SUSD6: variants seen among roughly 807,000 people sequenced by gnomAD.
SUSD6 encodes sushi domain-containing protein 6.
A neutral mutation model predicts 28.4 loss-of-function variants in SUSD6; 16 were observed. That is an observed-to-expected ratio of 0.56 (90% CI 0.38 to 0.86). The LOEUF is 0.86. Ranked by LOEUF, SUSD6 falls within the 40% of genes least tolerant of loss-of-function variation. The pLI is 0.00. For missense variants in SUSD6, 341 were observed against 384.2 expected (o/e 0.89, Z 0.94); for synonymous variants, 147 against 159.6 (o/e 0.92, Z 0.59).
intron 2 of SUSD6, among the ~76,000 whole-genome samples, chr14:69,669,041 G>A (rs1328802581): frequency 2.1e-5 from 3 of 145,510 alleles, no homozygotes; most frequent in East Asian, 4.0e-4. Flanking sequence ...CCAGTCTCAA[G>A]TATTTTTTTT....
At chr14:69,616,109 T>C (rs1308670497) in intron 1 of SUSD6, among the ~76,000 whole-genome samples, 1 of 152,190 alleles carries the variant, frequency 6.6e-6, no homozygotes, top group Non-Finnish European at 1.5e-5. Context: ...AGATTCTCAG[T>C]GGGTTTGCAG....
intron 4 of SUSD6, 81 bp from the exon 5 acceptor site, chr14:69,708,596 C>T (rs964466899): frequency 1.2e-5 from 15 of 1,214,956 alleles, no homozygotes; most frequent in Admixed American, 1.0e-4. Flanking sequence ...AAAATGGTGG[C>T]GGCTGCTATT....
chr14:69,641,281 A>G (rs1885348582), intron 1 of SUSD6, among the ~76,000 whole-genome samples: 1 of 151,742 alleles, frequency 6.6e-6, no homozygotes, highest in Admixed American at 6.6e-5. Context: ...AGCTTCTTGT[A>G]TCTGTTTGTG....
At chr14:69,627,712 C>T (rs934146064) in intron 1 of SUSD6, among the ~76,000 whole-genome samples, 6 of 152,158 alleles carry the variant, frequency 3.9e-5, no homozygotes, top group Non-Finnish European at 7.3e-5. Flanking sequence ...GATCCGCCTG[C>T]CTCGGCCTCC....
intron 2 of SUSD6, among the ~76,000 whole-genome samples, chr14:69,698,583 C>G (rs1297697824): frequency 6.6e-6 from 1 of 152,166 alleles, no homozygotes; most frequent in Non-Finnish European, 1.5e-5. Flanking sequence ...TTTTAATTTG[C>G]CTCCTTCTGA....
chr14:69,673,207 A>C (rs1225017272), intron 2 of SUSD6, among the ~76,000 whole-genome samples: 1 of 152,142 alleles, frequency 6.6e-6, no homozygotes. Flanking sequence ...TGCACTAGTG[A>C]GTTTCAAATT....
At chr14:69,612,050 C>A (rs1287985474) in intron 1 of SUSD6, among the ~76,000 whole-genome samples, 1 of 150,004 alleles carries the variant, frequency 6.7e-6, no homozygotes, top group Non-Finnish European at 1.5e-5. Flanking sequence ...GCGCGGCCAG[C>A]CGGCCAGCAG....
chr14:69,655,075 G>C (rs1885562017), intron 1 of SUSD6, among the ~76,000 whole-genome samples: 1 of 151,968 alleles, frequency 6.6e-6, no homozygotes, highest in African/African-American at 2.4e-5. Flanking sequence ...TTATAGGCAT[G>C]AGCCACTGTG....
intron 1 of SUSD6, among the ~76,000 whole-genome samples, 178 bp from the exon 2 acceptor site, chr14:69,658,335 T>G (rs1885614476): frequency 6.6e-6 from 1 of 152,034 alleles, no homozygotes; most frequent in Non-Finnish European, 1.5e-5. Flanking sequence ...AGGCCTTGTT[T>G]CCCCAGGGAG....
rs1208030461 is a variant in SUSD6, at chr14:69,670,538, G to A, written c.121+11825G>A. 8.8e-6 allele frequency: 4 copies of A among 456,506 alleles called. No individual in the cohort carries two copies. The East Asian group carries it at 2.8e-4, about 32-fold the overall frequency. 28.3% of individuals were successfully genotyped at this position (456,506 alleles called of 1,614,324 possible). A position where few individuals can be genotyped will look rare whatever the true frequency, so the allele number is the denominator to read the frequency against. On this transcript the variant is annotated intron_variant, in intron 2 of 5. Transcript: ENST00000342745. ...TGAGTTAACGAGTATGGGGAGACAAGGTGGCATAGTCAGGTGAAGAAGGCA... is the reference window on the plus strand; with the variant it reads ...TGAGTTAACGAGTATGGGGAGACAAAGTGGCATAGTCAGGTGAAGAAGGCA...
intron 1 of SUSD6, among the ~76,000 whole-genome samples, chr14:69,649,428 C>T (rs1008654785): frequency 1.3e-5 from 2 of 152,216 alleles, no homozygotes; most frequent in African/African-American, 4.8e-5. Context: ...TCTCTAGGGT[C>T]TAGGAACCAA....
chr14:69,704,804 T>C, intron 4 of SUSD6, 62 bp downstream of exon 4: 1 of 1,567,852 alleles, frequency 6.4e-7, no homozygotes, highest in Non-Finnish European at 8.7e-7. Context: ...TGGGGGCCAG[T>C]CTTTGGTGGA....
intron 2 of SUSD6, among the ~76,000 whole-genome samples, chr14:69,697,098 A>G (rs1886235802): frequency 6.6e-6 from 1 of 152,170 alleles, no homozygotes. Context: ...TTTTCAGACC[A>G]TATAGGGTGA....
intron 2 of SUSD6, among the ~76,000 whole-genome samples, chr14:69,664,536 T>C (rs889058343): frequency 6.6e-6 from 1 of 152,150 alleles, no homozygotes; most frequent in South Asian, 2.1e-4. Flanking sequence ...GAGATTATGG[T>C]AGGAGGCTGG....
intron 1 of SUSD6, among the ~76,000 whole-genome samples, chr14:69,651,709 G>T (rs185204872): frequency 6.6e-6 from 1 of 152,282 alleles, no homozygotes; most frequent in African/African-American, 2.4e-5. Flanking sequence ...ATTTTGGGGG[G>T]TAGGAGGCAT....
At chr14:69,690,755 C>T (rs563796766) in intron 2 of SUSD6, among the ~76,000 whole-genome samples, 6 of 152,252 alleles carry the variant, frequency 3.9e-5, no homozygotes, top group East Asian at 1.9e-4. Context: ...AATCTCATCC[C>T]GCACAAGATG....
At chr14:69,680,355 GCCT>G (rs769014813) in intron 2 of SUSD6, among the ~76,000 whole-genome samples, 3 of 152,074 alleles carry the variant, frequency 2.0e-5, no homozygotes, top group Non-Finnish European at 4.4e-5. Context: ...ATAAACAATG[GCCT>G]CCTCTAAGGA....
intron 1 of SUSD6, among the ~76,000 whole-genome samples, chr14:69,638,448 GTGTGTGTGTGTAAT>G: frequency 6.6e-6 from 1 of 151,464 alleles, no homozygotes; most frequent in Admixed American, 6.6e-5. Flanking sequence ...GTGTGTGTGT[GTGTGTGTGTGTAAT>G]TGTGTGTGTG....
At chr14:69,612,193 C>CA (rs1297631191) in intron 1 of SUSD6, among the ~76,000 whole-genome samples, 1 of 152,052 alleles carries the variant, frequency 6.6e-6, no homozygotes, top group Non-Finnish European at 1.5e-5. Flanking sequence ...CCGATGGGTG[C>CA]AGAGGAGGTA....
Sources: gnomAD v4.1 joint callset for allele counts (sites outside exome capture counted in the v4.1 genomes callset) on GRCh38, gnomAD v4.1.1 for gene constraint, MANE v1.5 for transcripts, NCBI Gene and HGNC (gene_info 2026-07-23, HGNC 2026-07-21) for gene names.